Variants in CBLC observed in about 807,000 individuals in gnomAD.
CBLC encodes Cbl proto-oncogene C.
CBLC carries 46 observed loss-of-function variants against 58.6 expected under a neutral mutation model. The observed-to-expected ratio is 0.79, with a 90% confidence interval of 0.62 to 1.00. The LOEUF (loss-of-function observed/expected upper bound fraction) is 1.00, where lower values mean the gene tolerates loss of function less well. Among genes scored for constraint, CBLC ranks in the 50% least tolerant of loss-of-function variants. CBLC has a pLI of 0.00. For missense variants in CBLC, 655 were observed against 625.8 expected (o/e 1.05, Z -0.50); for synonymous variants, 271 against 264.2 (o/e 1.03, Z -0.25).
Position 44,798,413 on chromosome 19 carries a change from G to C in CBLC, c.1363-1968G>C, listed in dbSNP as rs114427898. On this transcript the variant is annotated intron_variant, in intron 9 of 10. Coordinates refer to ENST00000647358, the MANE Select transcript of CBLC (RefSeq NM_012116.4). ...GTCATATCCCCTCCCTCACCTCTCA[G>C]AAATCTCCACTGGCAGCCAAGCGCG... Among the ~76,000 whole-genome samples, 1,137 of 152,026 alleles carry C rather than the reference G, an allele frequency of 7.5e-3. 17 individuals carry two copies. The highest frequency in any genetic ancestry group is 0.026 in the African/African-American group (1,077 of 41,472).
Position 44,790,000 on chromosome 19 carries a change from C to T in CBLC, c.918-4C>T, listed in dbSNP as rs765913298. ...CCCAGTCCCCCTCTCTTCCCTTCCC[C>T]CAGCTACCTCTACCCAGATGGAAAG... On this transcript the variant is annotated splice_polypyrimidine_tract_variant and splice_region_variant and intron_variant, in intron 5 of 10. Transcript: ENST00000647358. The T allele has an allele frequency of 8.7e-6, 14 of 1,611,468 alleles. 1 individual carries two copies. The Admixed American group carries it at 1.3e-4, about 15-fold the overall frequency.
chr19:44,799,256 A>G (rs2965112), intron 9 of CBLC, among the ~76,000 whole-genome samples: 31,297 of 151,998 alleles, frequency 0.21, 4,150 homozygotes, highest in African/African-American at 0.37. Flanking sequence ...AGGATGGTTT[A>G]AGCCCAGGAG....
At chr19:44,797,169 A>G (rs1968195954) in intron 9 of CBLC, among the ~76,000 whole-genome samples, 1 of 151,524 alleles carries the variant, frequency 6.6e-6, no homozygotes, top group Non-Finnish European at 1.5e-5. Flanking sequence ...ACTCCCACCT[A>G]GTCTTTCATT....
At chr19:44,800,504 C>A in intron 10 of CBLC, 47 bp from the exon 11 acceptor site, 9 of 1,179,834 alleles carry the variant, frequency 7.6e-6, no homozygotes, top group Non-Finnish European at 1.1e-5. Flanking sequence ...CCACCCTCCT[C>A]CACCTGGAGG....
At position 44,800,456 on chromosome 19, in the gene CBLC, T is replaced by A; in HGVS notation, c.*7+6T>A. On this transcript the variant is annotated splice_donor_region_variant and intron_variant, in intron 10 of 10. Transcript: ENST00000647358. ...TGCCCCGGCCTGAAGGCCAGGTGAG[T>A]CCATTCCCTAACCCTCCCTGGCCCA... 1.3e-6 allele frequency: 2 copies of A among 1,598,746 alleles called. No homozygotes were observed. The highest frequency in any genetic ancestry group is 1.1e-5 in the South Asian group (1 of 90,632).
At chr19:44,784,976 T>G (rs1483266796) in intron 5 of CBLC, among the ~76,000 whole-genome samples, 16 of 123,202 alleles carry the variant, frequency 1.3e-4, no homozygotes, top group South Asian at 6.3e-4. Context: ...TTTTTTTTTT[T>G]TTTTTTTTTT....
At chr19:44,797,051 T>C (rs1172714318) in intron 9 of CBLC, among the ~76,000 whole-genome samples, 1 of 152,138 alleles carries the variant, frequency 6.6e-6, no homozygotes, top group East Asian at 1.9e-4. Flanking sequence ...GACAGCAGGC[T>C]GACAGGGACC....
At chr19:44,787,423 C>A (rs1967938726) in intron 5 of CBLC, among the ~76,000 whole-genome samples, 1 of 151,736 alleles carries the variant, frequency 6.6e-6, no homozygotes, top group Non-Finnish European at 1.5e-5. Flanking sequence ...AAAATAAAGT[C>A]AATCGTAGAA....
intron 9 of CBLC, among the ~76,000 whole-genome samples, chr19:44,796,140 G>A (rs760048186): frequency 7.2e-5 from 11 of 151,964 alleles, no homozygotes; most frequent in Admixed American, 3.9e-4. Context: ...GCTTGAACCC[G>A]GGAGGTGGAG....
chr19:44,780,337 T>C (rs1162187957), intron 1 of CBLC, among the ~76,000 whole-genome samples: 1 of 151,886 alleles, frequency 6.6e-6, no homozygotes, highest in Non-Finnish European at 1.5e-5. Flanking sequence ...GGTTTCACCA[T>C]GTTGGCCAGG....
intron 5 of CBLC, among the ~76,000 whole-genome samples, chr19:44,788,450 T>C (rs1018126531): frequency 6.6e-6 from 1 of 150,746 alleles, no homozygotes; most frequent in African/African-American, 2.4e-5. Context: ...ATAAGCACTG[T>C]CTTTCTTATT....
intron 9 of CBLC, among the ~76,000 whole-genome samples, chr19:44,799,659 T>C (rs1968246725): frequency 1.3e-5 from 2 of 151,350 alleles, no homozygotes; most frequent in Middle Eastern, 6.8e-3. Context: ...TTGTTGTTGT[T>C]GTTGTTGTTT....
At chr19:44,794,113 G>A in intron 8 of CBLC, 91 bp from the exon 9 acceptor site, 2 of 1,533,986 alleles carry the variant, frequency 1.3e-6, no homozygotes, top group South Asian at 1.3e-5. Context: ...CTAGAACAGT[G>A]CCTGAATGCT....
At chr19:44,783,881 T>G (rs1009766184) in intron 4 of CBLC, among the ~76,000 whole-genome samples, 2 of 152,164 alleles carry the variant, frequency 1.3e-5, no homozygotes, top group African/African-American at 4.8e-5. Context: ...GTACCCTACC[T>G]TCTTAGCAAC....
rs190075225 is a variant in CBLC at position 44,788,346 on chromosome 19, G to C, written c.918-1658G>C. Among the ~76,000 whole-genome samples, 15 of 149,126 alleles carry C rather than the reference G, an allele frequency of 1.0e-4. No homozygotes were observed. The East Asian group carries it at 3.0e-3, about 30-fold the overall frequency. On this transcript the variant is annotated intron_variant, in intron 5 of 10. Coordinates refer to ENST00000647358, the MANE Select transcript of CBLC (RefSeq NM_012116.4). ...TTTCTGTGTTGCCCAGGCTGGTCTC[G>C]AACCCCTGGGCTCAAGCAATCCTCC...
Position 44,777,930 on chromosome 19 carries a change from C to A in CBLC, c.-2C>A. The A allele has an allele frequency of 6.3e-7, 1 of 1,579,924 alleles. No individual in the cohort carries two copies. Among genetic ancestry groups the A allele is most frequent in the Non-Finnish European group, 8.6e-7 (1 of 1,168,136 alleles). On this transcript the variant is annotated 5_prime_UTR_variant, in exon 1 of 11. Coordinates refer to ENST00000647358, the MANE Select transcript of CBLC (RefSeq NM_012116.4). ...GTCCTTCCCGGCACACGCGAGGCTC[C>A]CATGGCTCTGGCGGTGGCCCCGTGG...
In CBLC at chr19:44,789,984, C is replaced by G. The variant is rs775721681; in HGVS notation, c.918-20C>G. 97 of 1,568,402 alleles carry G rather than the reference C, an allele frequency of 6.2e-5. No homozygotes were observed. Among genetic ancestry groups the G allele is most frequent in the Non-Finnish European group, 8.3e-5 (94 of 1,138,366 alleles). On this transcript the variant is annotated intron_variant, in intron 5 of 10. Coordinates refer to ENST00000647358, the MANE Select transcript of CBLC (RefSeq NM_012116.4). ...AAATACTGGATGGCCCCCCAGTCCC[C>G]CTCTCTTCCCTTCCCCCAGCTACCT... is the stretch of plus-strand genomic sequence containing the variant.
intron 9 of CBLC, among the ~76,000 whole-genome samples, chr19:44,797,613 A>T (rs1599875683): frequency 7.6e-6 from 1 of 132,106 alleles, no homozygotes; most frequent in Non-Finnish European, 1.6e-5. Flanking sequence ...TGTCTAGCGG[A>T]GTGTGGTGGC....
intron 9 of CBLC, among the ~76,000 whole-genome samples, chr19:44,795,787 T>C (rs1387462403): frequency 1.3e-5 from 2 of 152,186 alleles, no homozygotes; most frequent in Admixed American, 6.6e-5. Flanking sequence ...AGGTCAGGCC[T>C]TTGTTGTCTT....
Sources: gnomAD v4.1 joint callset for allele counts (sites outside exome capture counted in the v4.1 genomes callset) on GRCh38, gnomAD v4.1.1 for gene constraint, MANE v1.5 for transcripts, NCBI Gene and HGNC (gene_info 2026-07-23, HGNC 2026-07-21) for gene names.